The following NOL7 variants were observed in gnomAD, a reference collection of about 807,000 sequenced individuals.
NOL7 encodes the protein nucleolar protein 7.
NOL7 carries 36 observed loss-of-function variants against 38.4 expected under a neutral mutation model. The observed-to-expected ratio is 0.94, with a 90% CI of 0.72 to 1.24. The LOEUF (loss-of-function observed/expected upper bound fraction) is 1.24, where lower values mean the gene tolerates loss of function less well. Ranked by LOEUF, NOL7 falls within the 50% of genes most tolerant of loss-of-function variation. The pLI, the probability that NOL7 is intolerant of heterozygous loss-of-function variation, is 0.00. For synonymous variants in NOL7, 142 were observed against 126.5 expected (o/e 1.12, Z -0.82); for missense variants, 350 against 315.1 (o/e 1.11, Z -0.84).
chr6:13,619,583 T>C (rs1349484741), intron 5 of NOL7, among the ~76,000 whole-genome samples: 1 of 152,258 alleles, frequency 6.6e-6, no homozygotes, highest in Non-Finnish European at 1.5e-5. Flanking sequence ...GAAATCATGC[T>C]GTCAATTCTC....
At chr6:13,617,688 G>A in intron 3 of NOL7, 82 bp from the exon 4 acceptor site, 1 of 1,374,120 alleles carries the variant, frequency 7.3e-7, no homozygotes. Flanking sequence ...TGTCTTACTT[G>A]TAAAGGCAAA....
chr6:13,629,253 G>C (rs1466112730), intron 8 of NOL7, among the ~76,000 whole-genome samples: 1 of 152,146 alleles, frequency 6.6e-6, no homozygotes, highest in Non-Finnish European at 1.5e-5. Flanking sequence ...TGGGATTACA[G>C]ATGTGGGCCA....
chr6:13,629,398 C>A (rs1259539245), intron 8 of NOL7, among the ~76,000 whole-genome samples: 1 of 152,164 alleles, frequency 6.6e-6, no homozygotes, highest in Non-Finnish European at 1.5e-5. Context: ...GATACATGCA[C>A]ATGGGAGTTA....
At chr6:13,625,833 G>T, downstream of NOL7, 1 of 1,162,650 alleles carries the variant, frequency 8.6e-7, no homozygotes, top group Non-Finnish European at 1.3e-6. Flanking sequence ...ATGTTTCCAA[G>T]TTGAGAGGTA....
chr6:13,620,668 T>C, intron 7 of NOL7, 86 bp from the exon 8 acceptor site: 1 of 1,010,474 alleles, frequency 9.9e-7, no homozygotes, highest in Non-Finnish European at 1.5e-6. Context: ...CACCCAGTTT[T>C]AGTAATTACA....
At chr6:13,626,182 C>T (rs1471158666), downstream of NOL7, among the ~76,000 whole-genome samples, 1 of 152,158 alleles carries the variant, frequency 6.6e-6, no homozygotes, top group Non-Finnish European at 1.5e-5. Flanking sequence ...AGGAACTGGA[C>T]ACATCTCACT....
rs200548546 is a variant in NOL7 at position 13,615,379 on chromosome 6, A to C, written c.21A>C (p.Arg7=). 1.4e-3 allele frequency: 2,065 copies of C among 1,517,608 alleles called. 28 individuals carry two copies. In the African/African-American group the frequency reaches 0.025, roughly 18 times the overall value. The allele number at this position is 1,517,608 out of a possible 1,614,324, so 94.0% of individuals were successfully genotyped here. MVQLRP[R]ASRAPASAEA... ...GGGCCATGGTGCAGCTCCGACCGCG[A>C]GCGTCTCGCGCCCCGGCGTCGGCGG... is the stretch of plus-strand genomic sequence containing the variant. The change falls in exon 1 of 8, where the codon CGA becomes CGC. Residue 7 remains arginine, a synonymous_variant. Transcript: ENST00000451315.
downstream of NOL7, among the ~76,000 whole-genome samples, chr6:13,623,699 A>G (rs1010389331): frequency 3.9e-5 from 6 of 152,194 alleles, no homozygotes; most frequent in African/African-American, 1.4e-4. Context: ...ATATAGATGG[A>G]CCTACATAAT....
chr6:13,627,739 G>T (rs1040785986), intron 8 of NOL7, among the ~76,000 whole-genome samples: 1 of 150,638 alleles, frequency 6.6e-6, no homozygotes, highest in African/African-American at 2.4e-5. Context: ...CCATAGTACA[G>T]ATAAATTTAA....
chr6:13,625,038 A>G (rs1238060501), downstream of NOL7, among the ~76,000 whole-genome samples: 1 of 152,178 alleles, frequency 6.6e-6, no homozygotes, highest in Non-Finnish European at 1.5e-5. Flanking sequence ...CCTGCCCTCT[A>G]CTGGATCAGT....
downstream of NOL7, chr6:13,625,873 T>A: frequency 1.3e-6 from 1 of 745,026 alleles, no homozygotes; most frequent in Non-Finnish European, 2.3e-6. Flanking sequence ...AGACTAATAA[T>A]GTAAACTTTA....
At chr6:13,623,577 T>C (rs1409079987), downstream of NOL7, among the ~76,000 whole-genome samples, 2 of 152,226 alleles carry the variant, frequency 1.3e-5, no homozygotes, top group African/African-American at 4.8e-5. Flanking sequence ...GGGAAGACCG[T>C]GCTCAAAGAC....
In NOL7 at chr6:13,620,164, T is replaced by C. The variant is rs200930358; in HGVS notation, c.501-44T>C. On this transcript the variant is annotated intron_variant, in intron 5 of 7. Coordinates refer to ENST00000451315, the MANE Select transcript of NOL7 (RefSeq NM_016167.5). Reference sequence around the variant, plus strand: ...TCTCAGGAAGAAAAAAAAAAGAAAGTAAGCATGTGTAATTCTTATTTAACC... The same window carrying C: ...TCTCAGGAAGAAAAAAAAAAGAAAGCAAGCATGTGTAATTCTTATTTAACC... The C allele has an allele frequency of 1.6e-4, 256 of 1,569,944 alleles. 1 individual carries two copies. Among genetic ancestry groups the C allele is most frequent in the East Asian group, 6.7e-4 (30 of 44,586 alleles).
chr6:13,615,513 A>T lies in NOL7; in HGVS notation c.155A>T (p.Asp52Val). The T allele has an allele frequency of 6.4e-7, 1 of 1,555,306 alleles. No homozygotes were observed. The highest frequency in any genetic ancestry group is 1.2e-5 in the South Asian group (1 of 84,588). The change falls in exon 1 of 8, where the codon GAC becomes GTC. Residue 52 changes from aspartate to valine, a missense_variant. Coordinates refer to ENST00000451315, the MANE Select transcript of NOL7 (RefSeq NM_016167.5). ...SGAAAEPLEE[D>V]EEGDDEFDDE... is the part of the protein sequence containing the mutation. ...GCGGCCGCCGAGCCCCTGGAGGAAG[A>T]CGAGGAAGGGGACGATGAGTTTGAC...
chr6:13,621,673 G>A lies in NOL7; in HGVS notation c.*846G>A, dbSNP rs1329184236. 2 of 152,590 alleles carry A rather than the reference G, an allele frequency of 1.3e-5. No homozygotes were observed. Among genetic ancestry groups the A allele is most frequent in the Admixed American group, 6.5e-5 (1 of 15,282 alleles). 9.5% of individuals were successfully genotyped at this position (152,590 alleles called of 1,614,324 possible). A position where few individuals can be genotyped will look rare whatever the true frequency, so the allele number is the denominator to read the frequency against. ...AAGGTCATAACCACACCGTTGACAT[G>A]TAATACTGTTATAATACAACAGTTA... On this transcript the variant is annotated 3_prime_UTR_variant, in exon 8 of 8. Coordinates refer to ENST00000451315, the MANE Select transcript of NOL7 (RefSeq NM_016167.5).
intron 8 of NOL7, among the ~76,000 whole-genome samples, chr6:13,627,884 C>G (rs1764662635): frequency 6.6e-6 from 1 of 152,202 alleles, no homozygotes; most frequent in South Asian, 2.1e-4. Context: ...TAAATTAAGA[C>G]TACACTGTCT....
At chr6:13,628,201 A>G (rs1355626527) in intron 8 of NOL7, among the ~76,000 whole-genome samples, 1 of 152,092 alleles carries the variant, frequency 6.6e-6, no homozygotes, top group African/African-American at 2.4e-5. Context: ...TTAGTTACCA[A>G]TCTAAATGTT....
At chr6:13,626,436 T>TA (rs143364839), downstream of NOL7, among the ~76,000 whole-genome samples, 565 of 152,356 alleles carry the variant, frequency 3.7e-3, 4 homozygotes, top group African/African-American at 0.013. Context: ...ACTGGCTGTG[T>TA]AGCCTTTGGC....
chr6:13,627,955 T>G (rs1052914686), intron 8 of NOL7, among the ~76,000 whole-genome samples: 4 of 152,128 alleles, frequency 2.6e-5, no homozygotes, highest in Non-Finnish European at 5.9e-5. Flanking sequence ...ATCCTGCACA[T>G]GTACCCTGGA....
Sources: gnomAD v4.1 joint callset for allele counts (sites outside exome capture counted in the v4.1 genomes callset) on GRCh38, gnomAD v4.1.1 for gene constraint, MANE v1.5 for transcripts, NCBI Gene and HGNC (gene_info 2026-07-23, HGNC 2026-07-21) for gene names.